CDH13: variants seen among roughly 807,000 people sequenced by gnomAD.
CDH13 encodes the protein cadherin 13, also known as cadherin-13.
Under a neutral mutation model 63.8 loss-of-function variants are expected in CDH13, and 24 were observed. The ratio of observed to expected loss-of-function variants is 0.38; its 90% confidence interval spans 0.27 to 0.53. The LOEUF is 0.53. Among genes scored for constraint, CDH13 ranks in the 20% least tolerant of loss-of-function variants. The pLI is 0.85. For synonymous variants in CDH13, 503 were observed against 355.3 expected, an observed-to-expected ratio of 1.42 and a Z score of -4.67; for missense variants, 1,049 against 903.1, an observed-to-expected ratio of 1.16 and a Z score of -2.07.
At chr16:82,965,513 G>A (rs1907672553) in intron 2 of CDH13, among the ~76,000 whole-genome samples, 1 of 152,138 alleles carries the variant, frequency 6.6e-6, no homozygotes, top group African/African-American at 2.4e-5. Context: ...ATACTGATAA[G>A]TGAATTTATT....
intron 5 of CDH13, among the ~76,000 whole-genome samples, chr16:83,280,573 C>G (rs901238498): frequency 2.0e-5 from 3 of 152,234 alleles, no homozygotes; most frequent in African/African-American, 7.2e-5. Context: ...GGCCTCTTAT[C>G]ATGAACCAAG....
chr16:83,053,137 G>A (rs181028544), intron 3 of CDH13, among the ~76,000 whole-genome samples: 8 of 152,266 alleles, frequency 5.3e-5, no homozygotes, highest in African/African-American at 1.4e-4. Context: ...AAGATGCCTG[G>A]AACATAGTAA....
intron 1 of CDH13, among the ~76,000 whole-genome samples, chr16:82,759,684 T>G (rs775101567): frequency 6.6e-6 from 1 of 151,966 alleles, no homozygotes; most frequent in Non-Finnish European, 1.5e-5. Flanking sequence ...AAGCGGCAAT[T>G]AAAGGAATGT....
intron 1 of CDH13, among the ~76,000 whole-genome samples, chr16:82,753,061 A>G (rs1036633045): frequency 2.0e-5 from 3 of 152,200 alleles, no homozygotes; most frequent in East Asian, 1.9e-4. Flanking sequence ...AATAACATCA[A>G]TGTTTAACTG....
intron 5 of CDH13, among the ~76,000 whole-genome samples, chr16:83,311,794 G>C (rs760536587): frequency 2.6e-5 from 4 of 152,190 alleles, no homozygotes; most frequent in African/African-American, 7.2e-5. Context: ...GAAGAACCTT[G>C]CCAGGTGCAG....
At chr16:83,494,903 G>A (rs2074100119) in intron 7 of CDH13, among the ~76,000 whole-genome samples, 2 of 152,132 alleles carry the variant, frequency 1.3e-5, no homozygotes, top group South Asian at 4.2e-4. Flanking sequence ...AACCTTATTG[G>A]ACATATGGCA....
chr16:83,258,302 A>C (rs901008518), intron 5 of CDH13, among the ~76,000 whole-genome samples: 3 of 152,228 alleles, frequency 2.0e-5, no homozygotes, highest in African/African-American at 7.2e-5. Flanking sequence ...TTCTATGTGA[A>C]ATTGCAGCAC....
intron 6 of CDH13, among the ~76,000 whole-genome samples, chr16:83,411,738 A>G (rs1483741933): frequency 1.3e-5 from 2 of 152,184 alleles, no homozygotes. Flanking sequence ...GTAGGCACTT[A>G]AACATACCAG....
At chr16:83,590,132 C>G (rs559042456) in intron 7 of CDH13, among the ~76,000 whole-genome samples, 1 of 152,280 alleles carries the variant, frequency 6.6e-6, no homozygotes, top group South Asian at 2.1e-4. Context: ...AAAACTCAGA[C>G]ATTATCCTGT....
At chr16:83,480,973 C>G (rs1175717433) in intron 6 of CDH13, among the ~76,000 whole-genome samples, 1 of 152,208 alleles carries the variant, frequency 6.6e-6, no homozygotes, top group African/African-American at 2.4e-5. Context: ...ACTACAGGAT[C>G]CATGACCACA....
chr16:83,498,457 A>G (rs1008110793), intron 7 of CDH13, among the ~76,000 whole-genome samples: 29 of 152,206 alleles, frequency 1.9e-4, no homozygotes, highest in African/African-American at 7.0e-4. Flanking sequence ...CCTTTCTGTC[A>G]TTCCTGAATT....
intron 1 of CDH13, among the ~76,000 whole-genome samples, chr16:82,726,920 C>G (rs999909333): frequency 5.3e-5 from 8 of 152,162 alleles, no homozygotes; most frequent in African/African-American, 1.7e-4. Context: ...CAGAGTTAGA[C>G]CATGACTTAC....
At chr16:83,005,137 C>T (rs114788255) in intron 2 of CDH13, among the ~76,000 whole-genome samples, 4,856 of 152,264 alleles carry the variant, frequency 0.032, 105 homozygotes, top group Non-Finnish European at 0.045. Flanking sequence ...CTGAATAAAA[C>T]CCAGAGGGTA....
chr16:83,477,892 C>G (rs1046101386), intron 6 of CDH13, among the ~76,000 whole-genome samples: 4 of 152,026 alleles, frequency 2.6e-5, no homozygotes, highest in African/African-American at 4.8e-5. Flanking sequence ...CTTAAAAAAT[C>G]AAAAGATGGC....
intron 1 of CDH13, among the ~76,000 whole-genome samples, chr16:82,839,591 C>T (rs770820538): frequency 1.3e-5 from 2 of 152,168 alleles, no homozygotes; most frequent in African/African-American, 2.4e-5. Flanking sequence ...TTCTGGCCCT[C>T]AGTACCCCCA....
chr16:82,902,654 T>C (rs1423325637), intron 2 of CDH13, among the ~76,000 whole-genome samples: 2 of 151,880 alleles, frequency 1.3e-5, no homozygotes, highest in African/African-American at 4.8e-5. Context: ...CATTAATCAG[T>C]GTCATATTCA....
intron 1 of CDH13, among the ~76,000 whole-genome samples, chr16:82,639,709 C>G (rs114964736): frequency 6.6e-6 from 1 of 152,152 alleles, no homozygotes; most frequent in African/African-American, 2.4e-5. Context: ...GTGTTTTTTC[C>G]TGTTAATTTA....
At chr16:82,655,279 G>A (rs922866732) in intron 1 of CDH13, among the ~76,000 whole-genome samples, 5 of 152,220 alleles carry the variant, frequency 3.3e-5, no homozygotes, top group Non-Finnish European at 2.9e-5. Flanking sequence ...CAATGAGCCG[G>A]TCAATCAAGC....
Position 83,112,336 on chromosome 16 carries a change from C to T in CDH13, c.367-13049C>T, listed in dbSNP as rs147256957. Among the ~76,000 whole-genome samples the T allele has an allele frequency of 7.8e-4, 119 of 152,252 alleles. 1 individual carries two copies. In the South Asian group the frequency reaches 0.024, roughly 30 times the overall value. On this transcript the variant is annotated intron_variant, in intron 3 of 13. Coordinates refer to ENST00000567109, the MANE Select transcript of CDH13 (RefSeq NM_001257.5). Reference sequence around the variant, plus strand: ...TTCAGAGATCCAGGCTCCATCTATCCTAAAGCAAGCAAACAGGCTTTGAGA... The same window carrying T: ...TTCAGAGATCCAGGCTCCATCTATCTTAAAGCAAGCAAACAGGCTTTGAGA...
Sources: allele counts gnomAD v4.1 joint callset (sites outside exome capture counted in the v4.1 genomes callset), GRCh38; gene constraint gnomAD v4.1.1; transcripts MANE v1.5; gene names NCBI Gene and HGNC (gene_info 2026-07-23, HGNC 2026-07-21).